ANO4: variants seen among roughly 807,000 people sequenced by gnomAD.
The protein encoded by ANO4 is anoctamin-4.
ANO4 carries 69 observed loss-of-function variants against 141.9 expected under a neutral mutation model. The observed-to-expected ratio is 0.49, with a 90% confidence interval of 0.40 to 0.59. The LOEUF (loss-of-function observed/expected upper bound fraction) is 0.59. ANO4 is among the 20% of genes least tolerant of loss of function. ANO4 has a pLI of 0.00. For synonymous variants in ANO4, 350 were observed against 394.3 expected (o/e 0.89, Z 1.33); for missense variants, 894 against 1,162.2 (o/e 0.77, Z 3.36).
intron 1 of ANO4, among the ~76,000 whole-genome samples, chr12:100,799,800 T>C (rs2034571338): frequency 6.6e-6 from 1 of 152,088 alleles, no homozygotes; most frequent in Non-Finnish European, 1.5e-5. Flanking sequence ...CCACAGAAGT[T>C]AAGGAAGTGA....
chr12:100,876,533 G>T (rs989168586), intron 1 of ANO4, among the ~76,000 whole-genome samples: 10 of 152,150 alleles, frequency 6.6e-5, no homozygotes, highest in African/African-American at 2.2e-4. Flanking sequence ...CTGATGTGAG[G>T]GATTCAGGAG....
intron 8 of ANO4, among the ~76,000 whole-genome samples, chr12:100,997,263 G>A (rs1173268470): frequency 6.6e-6 from 1 of 150,624 alleles, no homozygotes; most frequent in Non-Finnish European, 1.5e-5. Flanking sequence ...GAACCCTGGA[G>A]GCGGAGGTTG....
At chr12:100,866,349 G>C (rs373341371) in intron 1 of ANO4, among the ~76,000 whole-genome samples, 2 of 152,142 alleles carry the variant, frequency 1.3e-5, no homozygotes, top group South Asian at 2.1e-4. Flanking sequence ...GAAGCATAAG[G>C]TGTCTACTCT....
At chr12:100,950,882 G>A (rs1337342423) in intron 5 of ANO4, among the ~76,000 whole-genome samples, 1 of 152,192 alleles carries the variant, frequency 6.6e-6, no homozygotes, top group African/African-American at 2.4e-5. Flanking sequence ...AGCACTTTTT[G>A]AGATGCCAGC....
upstream of ANO4, among the ~76,000 whole-genome samples, chr12:100,792,469 G>A (rs868497637): frequency 2.0e-5 from 3 of 152,212 alleles, no homozygotes; most frequent in South Asian, 2.1e-4. Context: ...AGACACAATC[G>A]CTGATATCAT....
chr12:101,024,161 G>A (rs937851748), intron 9 of ANO4, among the ~76,000 whole-genome samples: 7 of 152,198 alleles, frequency 4.6e-5, no homozygotes, highest in Non-Finnish European at 7.3e-5. Context: ...AACAATGTGG[G>A]TGCATACAAT....
intron 1 of ANO4, among the ~76,000 whole-genome samples, chr12:100,825,779 A>G (rs75326453): frequency 0.035 from 5,308 of 152,142 alleles, 276 homozygotes; most frequent in African/African-American, 0.11. Context: ...ATTCCTGCAT[A>G]TATCTTCAGC....
intron 1 of ANO4, among the ~76,000 whole-genome samples, chr12:100,831,845 G>T (rs1043006153): frequency 6.6e-6 from 1 of 152,040 alleles, no homozygotes; most frequent in Non-Finnish European, 1.5e-5. Context: ...TTAGTAGAGT[G>T]ATAGAGTGGG....
intron 14 of ANO4, among the ~76,000 whole-genome samples, chr12:101,066,216 C>T (rs538479397): frequency 9.2e-5 from 14 of 152,294 alleles, no homozygotes; most frequent in South Asian, 4.1e-4. Flanking sequence ...TAAGGATGTC[C>T]GCTTTCACCA....
intron 8 of ANO4, among the ~76,000 whole-genome samples, chr12:101,000,677 A>G (rs2045597868): frequency 2.0e-5 from 3 of 152,216 alleles, no homozygotes; most frequent in African/African-American, 7.2e-5. Context: ...TTAAACTGAA[A>G]TGAAAATGAA....
chr12:100,922,127 C>A, intron 2 of ANO4, 99 bp from the exon 3 acceptor site: 1 of 732,172 alleles, frequency 1.4e-6, no homozygotes, highest in South Asian at 3.5e-5. Context: ...AACCAGCTAG[C>A]CATTCACTTT....
intron 26 of ANO4, among the ~76,000 whole-genome samples, chr12:101,122,722 A>G (rs903654532): frequency 3.9e-5 from 6 of 152,162 alleles, no homozygotes; most frequent in Non-Finnish European, 8.8e-5. Flanking sequence ...CATCATTACC[A>G]CACATATTGA....
chr12:100,766,025 T>C (rs921950861), intron 3 of ANO4, among the ~76,000 whole-genome samples: 109 of 152,248 alleles, frequency 7.2e-4, no homozygotes, highest in African/African-American at 2.6e-3. Context: ...TATCTCCCTT[T>C]ACCCTATCCC....
intron 14 of ANO4, among the ~76,000 whole-genome samples, chr12:101,075,648 T>C (rs1210932106): frequency 6.8e-6 from 1 of 147,066 alleles, no homozygotes; most frequent in Non-Finnish European, 1.5e-5. Flanking sequence ...TATATATATA[T>C]ACACACACAC....
chr12:100,965,835 C>A (rs990518816), intron 5 of ANO4, among the ~76,000 whole-genome samples: 2 of 152,126 alleles, frequency 1.3e-5, no homozygotes, highest in South Asian at 2.1e-4. Flanking sequence ...GAACTATATT[C>A]TTTTCCTTTT....
intron 1 of ANO4, among the ~76,000 whole-genome samples, chr12:100,795,831 G>A (rs960125995): frequency 6.6e-6 from 1 of 152,132 alleles, no homozygotes; most frequent in South Asian, 2.1e-4. Context: ...GGTTTCTGAC[G>A]AAGACTATGG....
At chr12:100,760,561 T>C (rs2032808404) in intron 3 of ANO4, among the ~76,000 whole-genome samples, 4 of 152,194 alleles carry the variant, frequency 2.6e-5, no homozygotes, top group Admixed American at 2.6e-4. Flanking sequence ...CCTAAGACTT[T>C]TCCTGTTTTA....
At chr12:101,018,125 T>A (rs2046385906) in intron 8 of ANO4, among the ~76,000 whole-genome samples, 1 of 152,236 alleles carries the variant, frequency 6.6e-6, no homozygotes, top group African/African-American at 2.4e-5. Flanking sequence ...AGGCAAAATG[T>A]GCTTTTTATT....
chr12:101,086,644 C>G lies in ANO4; in HGVS notation c.1537-16C>G. 1 of 1,612,932 alleles carries G rather than the reference C, an allele frequency of 6.2e-7. No individual in the cohort carries two copies. Among genetic ancestry groups the G allele is most frequent in the Non-Finnish European group, 8.5e-7 (1 of 1,179,580 alleles). Reference sequence around the variant, plus strand: ...TTCCACCAAGAGGTTCACCGGGTGTCTTGTCTTCCTGCCAGATCTGCGTGG... The same window carrying G: ...TTCCACCAAGAGGTTCACCGGGTGTGTTGTCTTCCTGCCAGATCTGCGTGG... On this transcript the variant is annotated splice_polypyrimidine_tract_variant and intron_variant, in intron 16 of 27. Coordinates refer to ENST00000392977, the MANE Select transcript of ANO4 (RefSeq NM_001286615.2).
Sources: gnomAD v4.1 joint callset for allele counts (sites outside exome capture counted in the v4.1 genomes callset) on GRCh38, gnomAD v4.1.1 for gene constraint, MANE v1.5 for transcripts, NCBI Gene and HGNC (gene_info 2026-07-23, HGNC 2026-07-21) for gene names.